The following NHSL2 variants were observed in gnomAD, a reference collection of about 807,000 sequenced individuals.
The protein encoded by NHSL2 is NHS like 2, also known as NHS-like protein 2.
In NHSL2, 27 loss-of-function variants were observed where a neutral mutation model predicts 53.4. The observed-to-expected ratio is 0.51, with a 90% confidence interval of 0.37 to 0.70. The LOEUF is 0.70. NHSL2 is among the 30% of genes least tolerant of loss of function. The pLI, the probability that NHSL2 is intolerant of heterozygous loss-of-function variation, is 0.00. For synonymous variants in NHSL2, 408 were observed against 404.1 expected (o/e 1.01, Z -0.12); for missense variants, 892 against 980.1 (o/e 0.91, Z 1.20).
rs1319103010 is a variant in NHSL2 at position 71,964,009 on chromosome X, A to G, written c.280+52642A>G. On this transcript the variant is annotated intron_variant, in intron 1 of 7. Coordinates refer to ENST00000633930, the MANE Select transcript of NHSL2 (RefSeq NM_001013627.3). ...TATATATATGTATATACATATATAT[A>G]TGTATATATATATATGTGTATATAT... is the stretch of plus-strand genomic sequence containing the variant. Among the ~76,000 whole-genome samples the G allele has an allele frequency of 5.9e-3, 227 of 38,525 alleles. 27 individuals are homozygous for G. Among genetic ancestry groups the G allele is most frequent in the African/African-American group, 0.024 (200 of 8,353 alleles). 33.5% of individuals were successfully genotyped at this position (38,525 alleles called of 115,157 possible). A position where few individuals can be genotyped will look rare whatever the true frequency, so the allele number is the denominator to read the frequency against.
At chrX:72,040,063 G>T (rs922271386) in intron 1 of NHSL2, among the ~76,000 whole-genome samples, 2 of 112,466 alleles carry the variant, frequency 1.8e-5, no homozygotes, top group East Asian at 5.6e-4. Context: ...CCTATGGGAT[G>T]GGGATTGGTG....
At chrX:72,100,591 C>T (rs987949868) in intron 1 of NHSL2, among the ~76,000 whole-genome samples, 2 of 112,042 alleles carry the variant, frequency 1.8e-5, no homozygotes, top group African/African-American at 3.3e-5. Context: ...CGAGCATTAC[C>T]GCCTGAGCTC....
chrX:72,059,658 G>A (rs1003157364), intron 1 of NHSL2, among the ~76,000 whole-genome samples: 1 of 111,797 alleles, frequency 8.9e-6, no homozygotes, highest in East Asian at 2.8e-4. Flanking sequence ...CTGAGGGAAG[G>A]AATTCAGTTC....
intron 1 of NHSL2, among the ~76,000 whole-genome samples, chrX:72,057,210 G>A (rs1474588897): frequency 8.9e-6 from 1 of 112,116 alleles, no homozygotes; most frequent in Non-Finnish European, 1.9e-5. Flanking sequence ...GCACAGTTAA[G>A]TATACTGTTG....
chrX:71,950,023 G>A (rs1014510001), intron 1 of NHSL2, among the ~76,000 whole-genome samples: 2 of 113,520 alleles, frequency 1.8e-5, no homozygotes, highest in Admixed American at 1.8e-4. Context: ...AGACCCATCC[G>A]CTGGGGCAGA....
chrX:71,937,902 T>C (rs1347554313), intron 1 of NHSL2, among the ~76,000 whole-genome samples: 1 of 112,148 alleles, frequency 8.9e-6, no homozygotes, highest in Non-Finnish European at 1.9e-5. Flanking sequence ...GAACCTACCG[T>C]TGTGAACATT....
chrX:72,021,525 C>T (rs1164197068), intron 1 of NHSL2, among the ~76,000 whole-genome samples: 1 of 111,835 alleles, frequency 8.9e-6, no homozygotes, highest in Non-Finnish European at 1.9e-5. Context: ...CATTATTATT[C>T]CCTAGGAAAC....
At chrX:71,970,958 T>C (rs966474065) in intron 1 of NHSL2, among the ~76,000 whole-genome samples, 1 of 111,303 alleles carries the variant, frequency 9.0e-6, no homozygotes, top group Admixed American at 9.6e-5. Flanking sequence ...AATTTTTTAA[T>C]TTTTTGTAGA....
chrX:71,973,671 C>A (rs2041935998), intron 1 of NHSL2, among the ~76,000 whole-genome samples: 1 of 111,136 alleles, frequency 9.0e-6, no homozygotes, highest in Non-Finnish European at 1.9e-5. Context: ...GCTTGCCTCT[C>A]CCAGTATGGA....
intron 1 of NHSL2, among the ~76,000 whole-genome samples, chrX:72,118,158 G>C (rs998830907): frequency 9.0e-6 from 1 of 111,343 alleles, no homozygotes; most frequent in Non-Finnish European, 1.9e-5. Flanking sequence ...TTTTATTATA[G>C]CCATCCTAGT....
Position 72,140,648 on chromosome X carries a change from A to G in NHSL2, c.3100A>G (p.Ser1034Gly), listed in dbSNP as rs1221976979. The change falls in exon 6 of 8, where the codon AGC becomes GGC. Residue 1034 changes from serine to glycine, a missense_variant. Coordinates refer to ENST00000633930, the MANE Select transcript of NHSL2 (RefSeq NM_001013627.3). Reference protein sequence around the residue: ...AYVAEPRLPLSPIITLEEDTK... With the variant: ...AYVAEPRLPLGPIITLEEDTK... ...TGTGGCAGAACCAAGGCTGCCTCTC[A>G]GCCCCATCATCACCCTGGAGGAAGA... 8.3e-7 allele frequency: 1 copy of G among 1,212,009 alleles called. No individual in the cohort carries two copies. The highest frequency in any genetic ancestry group is 1.8e-5 in the South Asian group (1 of 57,015).
intron 1 of NHSL2, among the ~76,000 whole-genome samples, chrX:71,924,396 TA>T (rs991231425): frequency 3.6e-5 from 4 of 112,048 alleles, no homozygotes; most frequent in African/African-American, 1.3e-4. Context: ...TTCCTCCAGG[TA>T]GCCTACCCTA....
At chrX:72,127,687 C>T (rs2042240999) in intron 1 of NHSL2, 1 of 52,116 alleles carries the variant, frequency 1.9e-5, no homozygotes, top group South Asian at 6.2e-4. Context: ...GGAATGCACT[C>T]TTGAGGAAAT....
chrX:72,072,927 C>G (rs1408228549), intron 1 of NHSL2, among the ~76,000 whole-genome samples: 1 of 111,851 alleles, frequency 8.9e-6, no homozygotes, highest in Non-Finnish European at 1.9e-5. Context: ...GTCTCTCTTA[C>G]CCAGTAACCT....
intron 1 of NHSL2, among the ~76,000 whole-genome samples, chrX:72,047,430 C>T (rs187042236): frequency 2.7e-5 from 3 of 112,399 alleles, no homozygotes; most frequent in African/African-American, 6.5e-5. Flanking sequence ...ACTTTGTCTT[C>T]TCACAGGGAG....
At chrX:71,986,121 A>C (rs1477282535) in intron 1 of NHSL2, among the ~76,000 whole-genome samples, 1 of 111,814 alleles carries the variant, frequency 8.9e-6, no homozygotes, top group Non-Finnish European at 1.9e-5. Context: ...AATACAGCCC[A>C]AAAAAGCCAA....
At chrX:71,959,492 T>G (rs2041858110) in intron 1 of NHSL2, among the ~76,000 whole-genome samples, 1 of 112,253 alleles carries the variant, frequency 8.9e-6, no homozygotes, top group Non-Finnish European at 1.9e-5. Flanking sequence ...CCATTTAAAG[T>G]GTACAATTTA....
chrX:71,943,558 T>C (rs1254507995), intron 1 of NHSL2, among the ~76,000 whole-genome samples: 1 of 113,007 alleles, frequency 8.8e-6, no homozygotes, highest in Non-Finnish European at 1.9e-5. Flanking sequence ...AGCTCTGTTC[T>C]ATATACCTTG....
chrX:72,130,821 G>A lies in NHSL2; in HGVS notation c.281-1258G>A, dbSNP rs2042284943. 2.5e-6 allele frequency: 3 copies of A among 1,209,907 alleles called. No homozygotes were observed. The Admixed American group carries it at 6.5e-5, about 26-fold the overall frequency. On this transcript the variant is annotated intron_variant, in intron 1 of 7. Coordinates refer to ENST00000633930, the MANE Select transcript of NHSL2 (RefSeq NM_001013627.3). ...AGTGGCCCTGCTTGAGCTTGCGAAT[G>A]GCCTTTTTAGCCACACGTGGGGGGA...
Sources: gnomAD v4.1 joint callset for allele counts (sites outside exome capture counted in the v4.1 genomes callset) on GRCh38, gnomAD v4.1.1 for gene constraint, MANE v1.5 for transcripts, NCBI Gene and HGNC (gene_info 2026-07-23, HGNC 2026-07-21) for gene names.